Variants in MAP3K5 observed in about 807,000 individuals in gnomAD.
MAP3K5 encodes ASK-1.
MAP3K5 carries 56 observed loss-of-function variants against 158.7 expected under a neutral mutation model. That is an observed-to-expected ratio of 0.35 (90% CI 0.28 to 0.44). The LOEUF is 0.44. Among genes scored for constraint, MAP3K5 ranks in the 20% least tolerant of loss-of-function variants. The pLI is 1.00. For missense variants in MAP3K5, 1,294 were observed against 1,674.8 expected (o/e 0.77, Z 3.97); for synonymous variants, 579 against 601.7 (o/e 0.96, Z 0.55).
At chr6:136,580,180 T>C in intron 25 of MAP3K5, 121 bp downstream of exon 25, 1 of 657,974 alleles carries the variant, frequency 1.5e-6, no homozygotes, top group Non-Finnish European at 2.7e-6. Context: ...GTTGAAAATA[T>C]TTCTTTAAAA....
At position 136,580,319 on chromosome 6, in the gene MAP3K5, T is replaced by C. The variant is rs764014077; in HGVS notation, c.3499A>G (p.Ile1167Val). Residue 1167 changes from isoleucine (I) to valine (V), a missense_variant, in exon 25 of 30, where the codon ATT (isoleucine) becomes GTT (valine). Physicochemically the swap from Ile to Val is conservative, Grantham distance 29 (BLOSUM62 3). Around this residue, in one of 5 missense-constraint regions of MAP3K5, gnomAD observed 362 missense variants for 463.2 expected, o/e 0.78. Transcript: ENST00000359015. ...CTCTGACCTGGAACCAGGATGGTAA[T>C]GGCTGTCTGTACCGCCTTCCGAATG... Reference protein sequence around the residue: ...SIIRKAVQTAITILVPELRPH... With the variant: ...SIIRKAVQTAVTILVPELRPH... The C allele has an allele frequency of 4.3e-6, 7 of 1,612,440 alleles. No homozygotes were observed. Among genetic ancestry groups the C allele is most frequent in the Non-Finnish European group, 3.4e-6 (4 of 1,178,474 alleles).
intron 8 of MAP3K5, among the ~76,000 whole-genome samples, chr6:136,668,920 GC>G (rs1218455317): frequency 3.3e-5 from 5 of 152,006 alleles, no homozygotes; most frequent in South Asian, 2.1e-4. Flanking sequence ...TGAAAAAAAA[GC>G]ACCACAAAAG....
intron 15 of MAP3K5, among the ~76,000 whole-genome samples, chr6:136,619,608 G>T (rs1049850668): frequency 6.6e-6 from 1 of 152,092 alleles, no homozygotes; most frequent in Admixed American, 6.5e-5. Flanking sequence ...ATCACTACAT[G>T]ATTTGATTTT....
intron 11 of MAP3K5, among the ~76,000 whole-genome samples, chr6:136,646,367 A>G (rs1033037595): frequency 6.6e-5 from 10 of 152,230 alleles, no homozygotes; most frequent in African/African-American, 1.9e-4. Context: ...TAATATAAAA[A>G]TTGTCTCTAT....
chr6:136,665,099 C>G (rs1779170568), intron 8 of MAP3K5, among the ~76,000 whole-genome samples: 1 of 152,104 alleles, frequency 6.6e-6, no homozygotes, highest in Admixed American at 6.6e-5. Context: ...TCCTTTGTGA[C>G]TAACAAGTTA....
chr6:136,631,827 A>G (rs1777372347), intron 14 of MAP3K5, among the ~76,000 whole-genome samples: 1 of 152,132 alleles, frequency 6.6e-6, no homozygotes, highest in South Asian at 2.1e-4. Context: ...AGCTCATGTG[A>G]TTAAAAAGGG....
intron 2 of MAP3K5, among the ~76,000 whole-genome samples, chr6:136,711,015 G>A (rs1036989702): frequency 2.0e-5 from 3 of 152,056 alleles, no homozygotes; most frequent in African/African-American, 7.2e-5. Context: ...AAACACCCCC[G>A]TACCCTTTCT....
chr6:136,585,130 A>C (rs551432410), intron 23 of MAP3K5, among the ~76,000 whole-genome samples: 1 of 148,356 alleles, frequency 6.7e-6, no homozygotes, highest in Non-Finnish European at 1.5e-5. Context: ...TTTTTTTTTA[A>C]GAGACAGGGC....
chr6:136,572,346 C>T (rs529825620), intron 25 of MAP3K5, among the ~76,000 whole-genome samples: 173 of 152,286 alleles, frequency 1.1e-3, no homozygotes, highest in Middle Eastern at 3.4e-3. Context: ...GCAACCTCCA[C>T]CTCCTGGGTT....
intron 1 of MAP3K5, among the ~76,000 whole-genome samples, chr6:136,755,830 G>T (rs1783454499): frequency 6.6e-6 from 1 of 152,062 alleles, no homozygotes; most frequent in Admixed American, 6.6e-5. Flanking sequence ...CTCATTAGAT[G>T]AACAGATGAA....
At chr6:136,714,424 T>C (rs117039023) in intron 2 of MAP3K5, among the ~76,000 whole-genome samples, 1,829 of 152,318 alleles carry the variant, frequency 0.012, 17 homozygotes, top group Non-Finnish European at 0.021. Flanking sequence ...CTAAAGGAGA[T>C]TGAGTCCCTC....
intron 1 of MAP3K5, among the ~76,000 whole-genome samples, chr6:136,781,573 T>C (rs1264293619): frequency 6.6e-6 from 1 of 152,220 alleles, no homozygotes; most frequent in Non-Finnish European, 1.5e-5. Context: ...ATTCAACCAC[T>C]TGATTTAATC....
intron 25 of MAP3K5, among the ~76,000 whole-genome samples, chr6:136,570,424 GGTT>G (rs1203375948): frequency 6.6e-6 from 1 of 152,080 alleles, no homozygotes; most frequent in Admixed American, 6.6e-5. Flanking sequence ...ACTCCACGAA[GGTT>G]AAGTATTTCA....
chr6:136,558,936 CTCTAT>C lies in MAP3K5; in HGVS notation c.3988-65_3988-61del. The C allele has an allele frequency of 1.2e-5, 10 of 841,304 alleles. No individual in the cohort carries two copies. In the South Asian group the frequency reaches 1.3e-4, roughly 11 times the overall value. 52.1% of individuals were successfully genotyped at this position (841,304 alleles called of 1,614,324 possible). A position where few individuals can be genotyped will look rare whatever the true frequency, so the allele number is the denominator to read the frequency against. The stretch of plus-strand genomic sequence containing the variant: ...TTATATAACTTTAATAAAGCACAAA[CTCTAT>C]TCATAATGTAAACCTTGACTATAAT... On this transcript the variant is annotated intron_variant, in intron 28 of 29. Coordinates refer to ENST00000359015, the MANE Select transcript of MAP3K5 (RefSeq NM_005923.4).
rs78931735 is a variant in MAP3K5 at position 136,782,476 on chromosome 6, G to C, written c.448+9234C>G. Among the ~76,000 whole-genome samples the C allele has an allele frequency of 3.5e-3, 538 of 152,204 alleles. 2 individuals are homozygous for C. The highest frequency in any genetic ancestry group is 0.012 in the African/African-American group (516 of 41,532). On this transcript the variant is annotated intron_variant, in intron 1 of 29. Coordinates refer to ENST00000359015, the MANE Select transcript of MAP3K5 (RefSeq NM_005923.4). The stretch of plus-strand genomic sequence containing the variant: ...ATGTTTCTGTTTCTTAAGAGTTCAC[G>C]GGTGTAGAAGAGGCTACAAGTATTG...
At chr6:136,738,301 G>A (rs940197363) in intron 1 of MAP3K5, among the ~76,000 whole-genome samples, 4 of 152,086 alleles carry the variant, frequency 2.6e-5, no homozygotes, top group African/African-American at 9.7e-5. Flanking sequence ...GGGAGTTTCG[G>A]TACCTCTTCC....
At chr6:136,698,170 G>C (rs1157653372) in intron 4 of MAP3K5, among the ~76,000 whole-genome samples, 1 of 152,158 alleles carries the variant, frequency 6.6e-6, no homozygotes, top group Admixed American at 6.5e-5. Context: ...AAGTTGAATT[G>C]TTCTTGCCCT....
chr6:136,694,896 T>G (rs1169735679), intron 6 of MAP3K5, among the ~76,000 whole-genome samples: 1 of 152,228 alleles, frequency 6.6e-6, no homozygotes, highest in Non-Finnish European at 1.5e-5. Flanking sequence ...AGAGTTATCA[T>G]TCCTTAGACC....
At chr6:136,683,505 C>T (rs932708260) in intron 7 of MAP3K5, among the ~76,000 whole-genome samples, 1 of 152,188 alleles carries the variant, frequency 6.6e-6, no homozygotes, top group Non-Finnish European at 1.5e-5. Context: ...CTGGTTCAAC[C>T]TGCACTTGAG....
Sources: allele counts gnomAD v4.1 joint callset (sites outside exome capture counted in the v4.1 genomes callset), GRCh38; gene constraint gnomAD v4.1.1; regional missense constraint gnomAD v4.1.1; transcripts MANE v1.5; gene names NCBI Gene and HGNC (gene_info 2026-07-23, HGNC 2026-07-21).